KCNG3: variants seen among roughly 807,000 people sequenced by gnomAD.
KCNG3 encodes potassium voltage-gated channel modifier subfamily G member 3.
In KCNG3, 15 loss-of-function variants were observed where a neutral mutation model predicts 29.0. The observed-to-expected ratio is 0.52, with a 90% CI of 0.35 to 0.80. The LOEUF is 0.80. Ranked by LOEUF, KCNG3 falls within the 30% of genes least tolerant of loss-of-function variation. The pLI is 0.01. For missense variants in KCNG3, 512 were observed against 605.7 expected (o/e 0.85, Z 1.62); for synonymous variants, 322 against 248.9 (o/e 1.29, Z -2.76).
chr2:42,470,988 C>T (rs1040922765), intron 1 of KCNG3, among the ~76,000 whole-genome samples: 1 of 151,818 alleles, frequency 6.6e-6, no homozygotes, highest in Non-Finnish European at 1.5e-5. Flanking sequence ...CCTAACTCTA[C>T]AAAAAATGTT....
chr2:42,400,484 A>C, the KCNG3 span, among the ~76,000 whole-genome samples: 1 of 152,192 alleles, frequency 6.6e-6, no homozygotes, highest in African/African-American at 2.4e-5. Flanking sequence ...GCAGGCTTAA[A>C]GTTGGAGGAG....
At chr2:42,407,361 C>T in the KCNG3 span, among the ~76,000 whole-genome samples, 1 of 151,970 alleles carries the variant, frequency 6.6e-6, no homozygotes, top group Non-Finnish European at 1.5e-5. Flanking sequence ...GAGGCGGGGG[C>T]TTTACCATGT....
the KCNG3 span, among the ~76,000 whole-genome samples, chr2:42,419,821 T>C: frequency 2.6e-5 from 4 of 152,256 alleles, no homozygotes; most frequent in East Asian, 5.8e-4. Context: ...TGCATCAGGG[T>C]TAAATCGCAG....
intron 1 of KCNG3, among the ~76,000 whole-genome samples, chr2:42,449,958 TGA>T (rs1369910008): frequency 5.3e-5 from 8 of 152,178 alleles, no homozygotes; most frequent in Admixed American, 1.3e-4. Context: ...GCACTGAACT[TGA>T]CATCAGAGGC....
At chr2:42,491,885 C>T (rs1444691483) in intron 1 of KCNG3, among the ~76,000 whole-genome samples, 1 of 152,160 alleles carries the variant, frequency 6.6e-6, no homozygotes, top group African/African-American at 2.4e-5. Flanking sequence ...GATCTTAAGA[C>T]AGTGTCAAAC....
At chr2:42,451,254 T>C (rs1672746300) in intron 1 of KCNG3, among the ~76,000 whole-genome samples, 1 of 150,376 alleles carries the variant, frequency 6.6e-6, no homozygotes, top group African/African-American at 2.5e-5. Context: ...TGTCAACCAT[T>C]TGGTCTCCAG....
the KCNG3 span, among the ~76,000 whole-genome samples, chr2:42,392,226 G>C: frequency 6.6e-6 from 1 of 152,138 alleles, no homozygotes; most frequent in Non-Finnish European, 1.5e-5. Context: ...GGGAAAGGGA[G>C]TTTGTCTCCC....
downstream of KCNG3, among the ~76,000 whole-genome samples, chr2:42,439,791 C>T (rs1358468308): frequency 6.6e-6 from 1 of 151,522 alleles, no homozygotes; most frequent in Non-Finnish European, 1.5e-5. Flanking sequence ...GGATTACAGG[C>T]ACCACGATGC....
chr2:42,487,757 C>G (rs1673764531), intron 1 of KCNG3, among the ~76,000 whole-genome samples: 1 of 152,172 alleles, frequency 6.6e-6, no homozygotes, highest in Non-Finnish European at 1.5e-5. Flanking sequence ...TGATTTAACT[C>G]TCAGGAATGT....
intron 1 of KCNG3, among the ~76,000 whole-genome samples, chr2:42,458,638 A>G (rs1672938917): frequency 6.6e-6 from 1 of 152,188 alleles, no homozygotes. Context: ...TTTTGGCATA[A>G]TTCAATATTC....
At chr2:42,466,681 T>C (rs1673148417) in intron 1 of KCNG3, among the ~76,000 whole-genome samples, 1 of 151,616 alleles carries the variant, frequency 6.6e-6, no homozygotes, top group African/African-American at 2.4e-5. Context: ...GAGTACAGAA[T>C]GGTAGACTGG....
At chr2:42,471,572 T>G (rs898413977) in intron 1 of KCNG3, among the ~76,000 whole-genome samples, 10 of 152,188 alleles carry the variant, frequency 6.6e-5, no homozygotes, top group Admixed American at 5.2e-4. Flanking sequence ...TGATGATAGT[T>G]GTACAATGTA....
intron 1 of KCNG3, among the ~76,000 whole-genome samples, chr2:42,459,375 C>T (rs1207939769): frequency 4.6e-5 from 7 of 152,126 alleles, no homozygotes; most frequent in African/African-American, 7.2e-5. Flanking sequence ...GGGCATTTAT[C>T]CCAGAGTCCT....
At chr2:42,390,911 AT>A in the KCNG3 span, among the ~76,000 whole-genome samples, 4 of 152,116 alleles carry the variant, frequency 2.6e-5, no homozygotes, top group South Asian at 8.3e-4. Flanking sequence ...AGCAAGGTTC[AT>A]TGGGGACACC....
At chr2:42,423,359 G>A in the KCNG3 span, among the ~76,000 whole-genome samples, 1 of 152,140 alleles carries the variant, frequency 6.6e-6, no homozygotes, top group Non-Finnish European at 1.5e-5. Flanking sequence ...TGTTTTTCCT[G>A]ACTTAGGTCC....
chr2:42,430,768 C>CA, the KCNG3 span, among the ~76,000 whole-genome samples: 1 of 151,604 alleles, frequency 6.6e-6, no homozygotes, highest in African/African-American at 2.4e-5. Context: ...CAAAACAAAA[C>CA]AAACAAACAA....
chr2:42,444,106 T>C lies in KCNG3; in HGVS notation c.1139A>G (p.Tyr380Cys). The change falls in exon 2 of 2, where the codon TAT (tyrosine) becomes TGT (cysteine). Residue 380 changes from tyrosine (Y) to cysteine (C), a missense_variant. Physicochemically the swap from Tyr to Cys is radical, Grantham distance 194 (BLOSUM62 -2). Around this residue, in one of 5 missense-constraint regions of KCNG3, gnomAD observed 173 missense variants for 262.4 expected, o/e 0.66. Transcript: ENST00000306078. This position sits in a 1 kb window ranked among gnomAD's most constrained non-coding sequence, Gnocchi z 5.8. ...AATTCTTCCAGGCACTGTGATAGGA[T>C]ACATATCTCCATAGCCAACTGTAGT... Reference protein sequence around the residue: ...SMTTVGYGDMYPITVPGRILG... With the variant: ...SMTTVGYGDMCPITVPGRILG... 3 of 1,614,186 alleles carry C rather than the reference T, an allele frequency of 1.9e-6. No homozygotes were observed. Among genetic ancestry groups the C allele is most frequent in the African/African-American group, 1.3e-5 (1 of 75,030 alleles).
At chr2:42,411,263 G>T in the KCNG3 span, among the ~76,000 whole-genome samples, 1 of 151,828 alleles carries the variant, frequency 6.6e-6, no homozygotes, top group Admixed American at 6.6e-5. Flanking sequence ...TGCCATTCTT[G>T]TTTATTTTTC....
chr2:42,443,598 G>A lies in KCNG3; in HGVS notation c.*336C>T. 1 of 187,740 alleles carries A rather than the reference G, an allele frequency of 5.3e-6. No homozygotes were observed. The highest frequency in any genetic ancestry group is 1.1e-5 in the Non-Finnish European group (1 of 91,942). The allele number at this position is 187,740 out of a possible 1,614,324, so 11.6% of individuals were successfully genotyped here. On this transcript the variant is annotated 3_prime_UTR_variant, in exon 2 of 2. Transcript: ENST00000306078. ...CAAGCTTCTTCTGAATTCATAAGAT[G>A]GAAAAACATTTGGAAAATAGTACCT...
Sources: allele counts gnomAD v4.1 joint callset (sites outside exome capture counted in the v4.1 genomes callset), GRCh38; gene constraint gnomAD v4.1.1; regional missense constraint gnomAD v4.1.1; non-coding constraint Gnocchi (gnomAD v3.1); transcripts MANE v1.5; gene names NCBI Gene and HGNC (gene_info 2026-07-23, HGNC 2026-07-21).